AMDHD1: variants seen among roughly 807,000 people sequenced by gnomAD.
The protein encoded by AMDHD1 is probable imidazolonepropionase.
AMDHD1 carries 45 observed loss-of-function variants against 44.1 expected under a neutral mutation model. The ratio of observed to expected loss-of-function variants is 1.02; its 90% CI spans 0.80 to 1.31. The LOEUF is 1.31. Among genes scored for constraint, AMDHD1 ranks in the 50% most tolerant of loss-of-function variants. The pLI, the probability that AMDHD1 is intolerant of heterozygous loss-of-function variation, is 0.00. For synonymous variants in AMDHD1, 206 were observed against 205.0 expected (o/e 1.00, Z -0.04); for missense variants, 586 against 552.1 (o/e 1.06, Z -0.61).
intron 4 of AMDHD1, among the ~76,000 whole-genome samples, chr12:95,958,563 T>C (rs2080564095): frequency 6.6e-6 from 1 of 152,182 alleles, no homozygotes; most frequent in South Asian, 2.1e-4. Flanking sequence ...TCTGTTTTCT[T>C]TTGCAGTAGA....
intron 8 of AMDHD1, 146 bp from the exon 9 acceptor site, chr12:95,967,610 C>T (rs549717463): frequency 2.0e-5 from 12 of 601,006 alleles, no homozygotes; most frequent in East Asian, 5.9e-5. Context: ...TAGTTATATA[C>T]GGTTTTTTAG....
At chr12:95,948,299 C>T (rs1281264163) in intron 1 of AMDHD1, among the ~76,000 whole-genome samples, 18 of 105,396 alleles carry the variant, frequency 1.7e-4, no homozygotes, top group African/African-American at 6.0e-4. Flanking sequence ...CCGCCTCGTC[C>T]GGGAGGGAGG....
intron 4 of AMDHD1, among the ~76,000 whole-genome samples, chr12:95,959,742 G>A (rs2080570469): frequency 6.6e-6 from 1 of 151,936 alleles, no homozygotes; most frequent in African/African-American, 2.4e-5. Flanking sequence ...GGGTCATCAG[G>A]GGGAGTATCC....
chr12:95,944,169 G>T (rs1405393067), intron 1 of AMDHD1, among the ~76,000 whole-genome samples: 1 of 151,998 alleles, frequency 6.6e-6, no homozygotes, highest in Non-Finnish European at 1.5e-5. Context: ...GGGCGACCTG[G>T]GGTAGCAAGG....
At chr12:95,961,783 T>C (rs994786528) in intron 5 of AMDHD1, among the ~76,000 whole-genome samples, 8 of 152,240 alleles carry the variant, frequency 5.3e-5, no homozygotes, top group African/African-American at 1.4e-4. Flanking sequence ...CTCTGATCCA[T>C]AAGATTCATA....
Position 95,967,911 on chromosome 12 carries a change from A to G in AMDHD1, c.*68A>G. On this transcript the variant is annotated 3_prime_UTR_variant, in exon 9 of 9. Transcript: ENST00000266736. ...CAATATAGTTATATTAAAAGTTAAA[A>G]CACCTTAATATTTACAAGAATTATA... The G allele has an allele frequency of 2.9e-6, 3 of 1,035,604 alleles. No individual in the cohort carries two copies. The highest frequency in any genetic ancestry group is 4.2e-6 in the Non-Finnish European group (3 of 710,748). The allele number at this position is 1,035,604 out of a possible 1,614,324, so 64.2% of individuals were successfully genotyped here.
chr12:95,957,115 G>T (rs929278673), intron 4 of AMDHD1, among the ~76,000 whole-genome samples, 153 bp downstream of exon 4: 3 of 152,202 alleles, frequency 2.0e-5, no homozygotes, highest in Admixed American at 6.5e-5. Context: ...CGCAGACTCG[G>T]TTTTAGGAAG....
intron 2 of AMDHD1, among the ~76,000 whole-genome samples, chr12:95,953,789 C>T (rs891314783): frequency 1.1e-4 from 16 of 152,138 alleles, no homozygotes; most frequent in Non-Finnish European, 1.9e-4. Context: ...CCATGTTGGT[C>T]AGGCTGGTCT....
intron 6 of AMDHD1, among the ~76,000 whole-genome samples, chr12:95,965,384 A>G (rs1169939992): frequency 1.3e-5 from 2 of 152,034 alleles, no homozygotes; most frequent in East Asian, 3.8e-4. Context: ...AAATTCCAAA[A>G]CCATTTGTAA....
rs2080587457 is a variant in AMDHD1, at chr12:95,962,445, G to C, written c.904G>C (p.Ala302Pro). The C allele has an allele frequency of 1.2e-6, 2 of 1,613,580 alleles. No individual in the cohort carries two copies. Among genetic ancestry groups the C allele is most frequent in the Non-Finnish European group, 1.7e-6 (2 of 1,179,740 alleles). The part of the protein sequence containing the change: ...IVAMATARCS[A>P]ILLPTTAYML... ...TGCCATGGCAACGGCCAGGTGCTCTGCCATCCTTCTGCCCACCACAGCCTA... is the reference window on the plus strand; with the variant it reads ...TGCCATGGCAACGGCCAGGTGCTCTCCCATCCTTCTGCCCACCACAGCCTA... The change falls in exon 6 of 9, where the codon GCC (alanine) becomes CCC (proline). Residue 302 changes from alanine to proline, a missense_variant. By Grantham distance (27) the Ala-to-Pro change is conservative. Transcript: ENST00000266736.
rs982843448 is a variant in AMDHD1 at position 95,956,730 on chromosome 12, A to G, written c.355A>G (p.Ile119Val). 6.2e-7 allele frequency: 1 copy of G among 1,614,160 alleles called. No individual in the cohort carries two copies. Among genetic ancestry groups the G allele is most frequent in the African/African-American group, 1.3e-5 (1 of 75,050 alleles). Reference sequence around the variant, plus strand: ...GGAAATTCACCAGGCCGGAGGAGGGATCCACTTTACCGTGGAGCGCACGCG... The same window carrying G: ...GGAAATTCACCAGGCCGGAGGAGGGGTCCACTTTACCGTGGAGCGCACGCG... ...YMEIHQAGGG[I>V]HFTVERTRQA... Residue 119 changes from isoleucine (I) to valine (V), a missense_variant, in exon 4 of 9, where the codon ATC (isoleucine) becomes GTC (valine). Physicochemically the swap from Ile to Val is conservative, Grantham distance 29. Transcript: ENST00000266736.
At chr12:95,961,273 A>C (rs1310210187) in intron 5 of AMDHD1, among the ~76,000 whole-genome samples, 1 of 152,236 alleles carries the variant, frequency 6.6e-6, no homozygotes, top group Non-Finnish European at 1.5e-5. Flanking sequence ...ACCTTTTCAG[A>C]TCTTTCTGTG....
At chr12:95,954,185 G>A (rs1337969176) in intron 2 of AMDHD1, among the ~76,000 whole-genome samples, 1 of 152,138 alleles carries the variant, frequency 6.6e-6, no homozygotes, top group Non-Finnish European at 1.5e-5. Flanking sequence ...GTTGCAGGGG[G>A]AGGGGATTGT....
chr12:95,958,783 C>T (rs543906074), intron 4 of AMDHD1, among the ~76,000 whole-genome samples: 4 of 152,270 alleles, frequency 2.6e-5, no homozygotes, highest in South Asian at 2.1e-4. Flanking sequence ...AGGCAGGGCA[C>T]GGTGGCACAT....
chr12:95,960,266 C>T, intron 4 of AMDHD1, 132 bp from the exon 5 acceptor site: 1 of 737,070 alleles, frequency 1.4e-6, no homozygotes, highest in Non-Finnish European at 2.2e-6. Flanking sequence ...AGCTTTGAGT[C>T]TTTCTCTACC....
In AMDHD1 at chr12:95,960,440, C is replaced by A; in HGVS notation, c.630C>A (p.Asn210Lys). ...ATEAADDIIN[N>K]HLPKLKELGR... The stretch of plus-strand genomic sequence containing the variant: ...AAGCTGCTGATGACATCATCAATAA[C>A]CACCTCCCAAAGCTGAAGGAACTTG... Residue 210 changes from asparagine to lysine, a missense_variant, in exon 5 of 9, where the codon AAC becomes AAA. By Grantham distance (94) the Asn-to-Lys change is moderately conservative. Coordinates refer to ENST00000266736, the MANE Select transcript of AMDHD1 (RefSeq NM_152435.3). The A allele has an allele frequency of 6.2e-7, 1 of 1,614,168 alleles. No individual in the cohort carries two copies. Among genetic ancestry groups the A allele is most frequent in the Non-Finnish European group, 8.5e-7 (1 of 1,180,032 alleles).
Position 95,967,958 on chromosome 12 carries a change from T to C in AMDHD1, c.*115T>C, listed in dbSNP as rs1056963655. ...TATATCACTTAAACCTAAATGTACT[T>C]CAATGTCTTTTTAAGTCACTCAAAA... On this transcript the variant is annotated 3_prime_UTR_variant, in exon 9 of 9. Coordinates refer to ENST00000266736, the MANE Select transcript of AMDHD1 (RefSeq NM_152435.3). 1 of 732,810 alleles carries C rather than the reference T, an allele frequency of 1.4e-6. No individual in the cohort carries two copies. The highest frequency in any genetic ancestry group is 2.2e-6 in the Non-Finnish European group (1 of 461,046). 45.4% of individuals were successfully genotyped at this position (732,810 alleles called of 1,614,324 possible). A position where few individuals can be genotyped will look rare whatever the true frequency, so the allele number is the denominator to read the frequency against.
chr12:95,960,673 T>G (rs375729822), intron 5 of AMDHD1, 50 bp downstream of exon 5: 30 of 1,555,062 alleles, frequency 1.9e-5, no homozygotes, highest in Middle Eastern at 1.7e-4. Context: ...TCTTGCACAT[T>G]CATGCTATGG....
At chr12:95,947,630 T>G (rs1592820448) in intron 1 of AMDHD1, among the ~76,000 whole-genome samples, 1 of 45,466 alleles carries the variant, frequency 2.2e-5, no homozygotes, top group Non-Finnish European at 3.7e-5. Context: ...GGTGGGGGGG[T>G]CAGCCCCCCG....
Sources: gnomAD v4.1 joint callset for allele counts (sites outside exome capture counted in the v4.1 genomes callset) on GRCh38, gnomAD v4.1.1 for gene constraint, MANE v1.5 for transcripts, NCBI Gene and HGNC (gene_info 2026-07-23, HGNC 2026-07-21) for gene names.